The following PACRG variants were observed in gnomAD, a reference collection of about 807,000 sequenced individuals.
PACRG encodes the protein parkin coregulated gene protein.
PACRG carries 29 observed loss-of-function variants against 29.7 expected under a neutral mutation model. That is an observed-to-expected ratio of 0.98 (90% CI 0.73 to 1.33). PACRG has a LOEUF of 1.33. Among genes scored for constraint, PACRG ranks in the 40% most tolerant of loss-of-function variants. The pLI is 0.00. For synonymous variants in PACRG, 116 were observed against 118.7 expected (o/e 0.98, Z 0.15); for missense variants, 279 against 316.2 (o/e 0.88, Z 0.89).
chr6:163,305,855 C>T (rs71567700), intron 4 of PACRG, among the ~76,000 whole-genome samples: 12,252 of 152,236 alleles, frequency 0.08, 533 homozygotes, highest in Non-Finnish European at 0.098. Context: ...CTCCCCATCA[C>T]TTACTCACCT....
intron 2 of PACRG, among the ~76,000 whole-genome samples, chr6:162,929,187 C>T (rs1797668067): frequency 6.6e-6 from 1 of 151,878 alleles, no homozygotes; most frequent in South Asian, 2.1e-4. Flanking sequence ...TTTGAGGAAC[C>T]TTCATACAGT....
chr6:162,909,937 GCAA>G (rs1240634096), intron 2 of PACRG, among the ~76,000 whole-genome samples: 1 of 152,154 alleles, frequency 6.6e-6, no homozygotes, highest in Non-Finnish European at 1.5e-5. Flanking sequence ...TTTGCTCTCT[GCAA>G]ACACGTATAT....
intron 4 of PACRG, among the ~76,000 whole-genome samples, chr6:163,221,782 T>C (rs1447526556): frequency 6.6e-6 from 1 of 152,176 alleles, no homozygotes; most frequent in African/African-American, 2.4e-5. Context: ...TGTCATTCGC[T>C]CACTGTTGAC....
At chr6:162,990,676 C>T (rs1584951373) in intron 2 of PACRG, among the ~76,000 whole-genome samples, 2 of 115,872 alleles carry the variant, frequency 1.7e-5, no homozygotes, top group South Asian at 5.9e-4. Flanking sequence ...AATTTTCTCC[C>T]ATGTTGTAGG....
chr6:162,887,462 C>CT (rs1384845059), intron 2 of PACRG, among the ~76,000 whole-genome samples: 1 of 152,082 alleles, frequency 6.6e-6, no homozygotes, highest in African/African-American at 2.4e-5. Context: ...GATGGGCTCC[C>CT]TTGGTTCATG....
intron 4 of PACRG, among the ~76,000 whole-genome samples, chr6:163,281,056 A>T (rs952392420): frequency 6.6e-6 from 1 of 152,080 alleles, no homozygotes; most frequent in African/African-American, 2.4e-5. Context: ...CAAGATGGGT[A>T]GGCTTTGTGC....
chr6:162,919,070 A>G (rs1796887474), intron 2 of PACRG, among the ~76,000 whole-genome samples: 2 of 152,176 alleles, frequency 1.3e-5, no homozygotes, highest in South Asian at 4.1e-4. Flanking sequence ...GAAAGGAGTT[A>G]GAGGTAGACC....
intron 2 of PACRG, among the ~76,000 whole-genome samples, chr6:162,836,335 G>A (rs1789219643): frequency 6.6e-6 from 1 of 152,018 alleles, no homozygotes; most frequent in Admixed American, 6.6e-5. Flanking sequence ...GTAGTCAGAG[G>A]GCTGTGACTT....
intron 1 of PACRG, among the ~76,000 whole-genome samples, chr6:162,735,646 G>A (rs1043546672): frequency 2.6e-5 from 4 of 151,936 alleles, no homozygotes; most frequent in Non-Finnish European, 5.9e-5. Flanking sequence ...ATGATATGAG[G>A]CACTTGTCTA....
chr6:162,872,607 G>C (rs1396226594), intron 2 of PACRG, among the ~76,000 whole-genome samples: 5 of 152,114 alleles, frequency 3.3e-5, no homozygotes, highest in Non-Finnish European at 7.4e-5. Context: ...CCTAAAAATT[G>C]TAATAAAACT....
chr6:163,311,007 A>G (rs73784596), intron 4 of PACRG: 17 of 152,366 alleles, frequency 1.1e-4, no homozygotes, highest in African/African-American at 3.8e-4. Flanking sequence ...AAAGCATCCC[A>G]TGGGGACAGT....
chr6:162,845,880 A>G (rs183316671), intron 2 of PACRG, among the ~76,000 whole-genome samples: 2 of 152,320 alleles, frequency 1.3e-5, no homozygotes, highest in Admixed American at 1.3e-4. Context: ...GTTTTACTAA[A>G]TATCACCTTA....
At chr6:163,301,834 T>A (rs1785014366) in intron 4 of PACRG, among the ~76,000 whole-genome samples, 1 of 152,226 alleles carries the variant, frequency 6.6e-6, no homozygotes, top group South Asian at 2.1e-4. Flanking sequence ...CATATTCTCT[T>A]ATTTTTGTCC....
Position 163,304,486 on chromosome 6 carries a change from G to A in PACRG, c.614-10341G>A, listed in dbSNP as rs186885193. Among the ~76,000 whole-genome samples, 380 of 152,242 alleles carry A rather than the reference G, an allele frequency of 2.5e-3. 3 individuals are homozygous for A. Among genetic ancestry groups the A allele is most frequent in the African/African-American group, 8.7e-3 (363 of 41,534 alleles). ...AATTACCATGATCCTTTCCCCCCAC[G>A]AGGTGGTAGAATGCAAAAGGGCTAA... is the stretch of plus-strand genomic sequence containing the variant. On this transcript the variant is annotated intron_variant, in intron 4 of 4. Transcript: ENST00000366888.
At chr6:162,848,938 A>G (rs1790634531) in intron 2 of PACRG, among the ~76,000 whole-genome samples, 1 of 152,238 alleles carries the variant, frequency 6.6e-6, no homozygotes, top group Admixed American at 6.5e-5. Context: ...TCCAAGTGCT[A>G]TGGAAACACA....
intron 2 of PACRG, among the ~76,000 whole-genome samples, chr6:163,030,846 C>T (rs147150763): frequency 0.15 from 23,208 of 152,124 alleles, 1,914 homozygotes; most frequent in East Asian, 0.26. Flanking sequence ...TCACTTTCAT[C>T]GCCATCTTGG....
At chr6:162,848,595 C>T (rs550475404) in intron 2 of PACRG, among the ~76,000 whole-genome samples, 4 of 152,342 alleles carry the variant, frequency 2.6e-5, no homozygotes, top group Admixed American at 2.6e-4. Context: ...TACCTTTATT[C>T]TTTCAAAGAC....
intron 2 of PACRG, among the ~76,000 whole-genome samples, chr6:162,834,268 T>G (rs1489788046): frequency 6.6e-6 from 1 of 152,018 alleles, no homozygotes; most frequent in Non-Finnish European, 1.5e-5. Flanking sequence ...TACTAAAAAA[T>G]TATCACAACA....
intron 4 of PACRG, among the ~76,000 whole-genome samples, chr6:163,216,829 A>G (rs996905182): frequency 2.0e-5 from 3 of 152,134 alleles, no homozygotes; most frequent in African/African-American, 7.2e-5. Context: ...CAAGAACAAA[A>G]CCACCTATTA....
Sources: allele counts gnomAD v4.1 joint callset (sites outside exome capture counted in the v4.1 genomes callset), GRCh38; gene constraint gnomAD v4.1.1; transcripts MANE v1.5; gene names NCBI Gene and HGNC (gene_info 2026-07-23, HGNC 2026-07-21).